The following LRRC27 variants were observed in gnomAD, a reference collection of about 807,000 sequenced individuals.
LRRC27 encodes leucine-rich repeat-containing protein 27.
In LRRC27, 57 loss-of-function variants were observed where a neutral mutation model predicts 55.0. That is an observed-to-expected ratio of 1.04 (90% CI 0.84 to 1.29). LRRC27 has a LOEUF of 1.29. Ranked by LOEUF, LRRC27 falls within the 50% of genes most tolerant of loss-of-function variation. The pLI is 0.00. For synonymous variants in LRRC27, 278 were observed against 251.9 expected, an observed-to-expected ratio of 1.10 and a Z score of -0.98; for missense variants, 721 against 651.5, an observed-to-expected ratio of 1.11 and a Z score of -1.16.
chr10:132,359,851 T>C (rs2068526732), intron 8 of LRRC27, among the ~76,000 whole-genome samples: 1 of 152,242 alleles, frequency 6.6e-6, no homozygotes. Flanking sequence ...ACACTTGACG[T>C]ACAAACCCTG....
At chr10:132,358,905 T>C (rs868134172) in intron 8 of LRRC27, among the ~76,000 whole-genome samples, 1 of 2,650 alleles carries the variant, frequency 3.8e-4, no homozygotes, top group Non-Finnish European at 1.1e-3. Flanking sequence ...GGTGGAGCAG[T>C]GTGGGGAGGA....
At chr10:132,335,344 G>A (rs1034143995) in intron 2 of LRRC27, 2 of 151,914 alleles carry the variant, frequency 1.3e-5, no homozygotes, top group African/African-American at 4.8e-5. Context: ...GTAGGGCACA[G>A]GTTCCTCCCC....
At chr10:132,373,589 G>A (rs549336519) in intron 10 of LRRC27, among the ~76,000 whole-genome samples, 4 of 152,282 alleles carry the variant, frequency 2.6e-5, no homozygotes, top group East Asian at 1.9e-4. Flanking sequence ...ACAATAAGAC[G>A]TTTTCAGATA....
chr10:132,343,175 T>G (rs572016984), intron 4 of LRRC27, among the ~76,000 whole-genome samples: 68 of 152,206 alleles, frequency 4.5e-4, no homozygotes, highest in African/African-American at 1.6e-3. Context: ...ATTAGCCAGG[T>G]GCAGTAGTGC....
chr10:132,364,149 T>C (rs891199255), intron 9 of LRRC27, among the ~76,000 whole-genome samples: 20 of 152,068 alleles, frequency 1.3e-4, no homozygotes, highest in South Asian at 4.2e-4. Flanking sequence ...CTCTGTTCTG[T>C]AGAACTCCAG....
At chr10:132,368,354 T>C (rs13377178) in intron 10 of LRRC27, among the ~76,000 whole-genome samples, 2,642 of 152,254 alleles carry the variant, frequency 0.017, 73 homozygotes, top group African/African-American at 0.061. Flanking sequence ...ATGGAGAGGA[T>C]GAGACCTAGA....
chr10:132,362,840 G>A (rs1219819146), intron 9 of LRRC27, among the ~76,000 whole-genome samples: 59 of 146,976 alleles, frequency 4.0e-4, no homozygotes, highest in Admixed American at 2.0e-4. Context: ...ACAGCAGCTC[G>A]GGGGTCGGGT....
intron 1 of LRRC27, chr10:132,332,571 A>C (rs1290317179): frequency 6.6e-6 from 1 of 152,188 alleles, no homozygotes; most frequent in Non-Finnish European, 1.5e-5. Context: ...TCTGGTTTTA[A>C]GATACTTTCC....
In LRRC27 at chr10:132,344,538, C is replaced by T. The variant is rs115495317; in HGVS notation, c.441C>T (p.Cys147=). 737 of 1,614,124 alleles carry T rather than the reference C, an allele frequency of 4.6e-4. 4 individuals carry two copies. The African/African-American group carries it at 8.4e-3, about 19-fold the overall frequency. Residue 147 remains cysteine, a synonymous_variant, in exon 5 of 11, where the codon TGC becomes TGT. Transcript: ENST00000368614. Reference sequence around the variant, plus strand: ...TGAAAGCACTGAACCTAAGACACTGCCCTCTGGAATTCCCTCCTCAGCTCG... The same window carrying T: ...TGAAAGCACTGAACCTAAGACACTGTCCTCTGGAATTCCCTCCTCAGCTCG... ...TTLKALNLRH[C]PLEFPPQLVV...
rs1437533956 is a variant in LRRC27 at position 132,344,618 on chromosome 10, A to C, written c.521A>C (p.Glu174Ala). 2 of 1,614,050 alleles carry C rather than the reference A, an allele frequency of 1.2e-6. No individual in the cohort carries two copies. Among genetic ancestry groups the C allele is most frequent in the South Asian group, 2.2e-5 (2 of 91,080 alleles). Reference sequence around the variant, plus strand: ...CGCTTCCTGCGGATGTGGGCAGTAGAACACTCTCTCCCCAGAAATCCAACT... The same window carrying C: ...CGCTTCCTGCGGATGTGGGCAGTAGCACACTCTCTCCCCAGAAATCCAACT... ...IQRFLRMWAV[E>A]HSLPRNPTSQ... is the part of the protein sequence containing the mutation. Residue 174 changes from glutamate (E) to alanine (A), a missense_variant, in exon 5 of 11, where the codon GAA (glutamate) becomes GCA (alanine). Glu to Ala is a moderately radical substitution (Grantham distance 107). Coordinates refer to ENST00000368614, the MANE Select transcript of LRRC27 (RefSeq NM_030626.3).
At chr10:132,351,868 T>C in intron 7 of LRRC27, 115 bp downstream of exon 7, 2 of 1,216,002 alleles carry the variant, frequency 1.6e-6, no homozygotes, top group South Asian at 1.5e-5. Context: ...CTCCCCTCAC[T>C]GATGCTGATC....
At chr10:132,340,858 G>A (rs1459498520) in intron 3 of LRRC27, among the ~76,000 whole-genome samples, 1 of 138,462 alleles carries the variant, frequency 7.2e-6, no homozygotes, top group African/African-American at 2.8e-5. Flanking sequence ...TCCAGCCTGA[G>A]CCACAGAGTG....
At chr10:132,354,322 G>T (rs992462140) in intron 7 of LRRC27, among the ~76,000 whole-genome samples, 1 of 152,198 alleles carries the variant, frequency 6.6e-6, no homozygotes, top group Non-Finnish European at 1.5e-5. Flanking sequence ...TATTCTGAGG[G>T]CCCAGACCCG....
At chr10:132,363,745 C>T (rs1291484781) in intron 9 of LRRC27, among the ~76,000 whole-genome samples, 2 of 152,174 alleles carry the variant, frequency 1.3e-5, no homozygotes, top group African/African-American at 2.4e-5. Context: ...GTACGTCTGC[C>T]AGGGGGCTCC....
intron 10 of LRRC27, chr10:132,366,741 G>C: frequency 1.1e-6 from 1 of 877,152 alleles, no homozygotes; most frequent in South Asian, 2.0e-5. Flanking sequence ...TGCCCCCAGA[G>C]CACGCAGCAC....
At chr10:132,365,605 TG>T (rs1409659792) in intron 10 of LRRC27, 55 bp downstream of exon 10, 1 of 1,583,158 alleles carries the variant, frequency 6.3e-7, no homozygotes, top group Non-Finnish European at 8.6e-7. Context: ...TGTTTTGTTT[TG>T]TTTTTGTTTT....
intron 7 of LRRC27, chr10:132,353,204 T>G: frequency 2.2e-6 from 3 of 1,360,658 alleles, no homozygotes; most frequent in Non-Finnish European, 2.8e-6. Flanking sequence ...CGTCTTTACT[T>G]TCCCGGCTTC....
At chr10:132,331,312 T>C, upstream of LRRC27, 4 of 954,662 alleles carry the variant, frequency 4.2e-6, no homozygotes, top group Non-Finnish European at 6.1e-6. Context: ...CATTATCAGT[T>C]GGATCCTGGA....
intron 8 of LRRC27, among the ~76,000 whole-genome samples, chr10:132,358,107 T>C (rs2068390648): frequency 6.6e-6 from 1 of 152,188 alleles, no homozygotes; most frequent in Non-Finnish European, 1.5e-5. Flanking sequence ...ATATCTAATA[T>C]ACAAAGAATG....
Sources: allele counts gnomAD v4.1 joint callset (sites outside exome capture counted in the v4.1 genomes callset), GRCh38; gene constraint gnomAD v4.1.1; transcripts MANE v1.5; gene names NCBI Gene and HGNC (gene_info 2026-07-23, HGNC 2026-07-21).